Variants in RUNX1 observed in about 807,000 individuals in gnomAD.
RUNX1 encodes the protein runt-related transcription factor 1.
Under a neutral mutation model 42.8 loss-of-function variants are expected in RUNX1, and 19 were observed. The observed-to-expected ratio is 0.44, with a 90% CI of 0.31 to 0.65. The LOEUF (loss-of-function observed/expected upper bound fraction) is 0.65, where lower values mean the gene tolerates loss of function less well. RUNX1 is among the 30% of genes least tolerant of loss of function. RUNX1 has a pLI of 0.07. For missense variants in RUNX1, 528 were observed against 672.0 expected (o/e 0.79, Z 2.37); for synonymous variants, 271 against 289.4 (o/e 0.94, Z 0.64).
intron 2 of RUNX1, among the ~76,000 whole-genome samples, chr21:35,021,054 A>G (rs557588977): frequency 7.0e-4 from 107 of 152,222 alleles, no homozygotes; most frequent in African/African-American, 2.6e-3. Context: ...CTCAAGAGAA[A>G]ATTCCATCTT....
intron 5 of RUNX1, among the ~76,000 whole-genome samples, chr21:34,863,229 T>C (rs1030131186): frequency 1.3e-5 from 2 of 152,204 alleles, no homozygotes; most frequent in East Asian, 1.9e-4. Context: ...TTATTATCCC[T>C]GAGGTCATAA....
chr21:34,885,497 C>CA (rs763413423), intron 4 of RUNX1, among the ~76,000 whole-genome samples: 26 of 151,926 alleles, frequency 1.7e-4, no homozygotes, highest in South Asian at 1.7e-3. Flanking sequence ...ACAAAACAAA[C>CA]AAAAAAAACT....
In RUNX1 at chr21:34,941,115, A is replaced by AGTGT. The variant is rs956605865; in HGVS notation, c.59-48156_59-48153dup. Among the ~76,000 whole-genome samples the AGTGT allele has an allele frequency of 7.2e-5, 11 of 152,236 alleles. No individual in the cohort carries two copies. The East Asian group carries it at 2.1e-3, about 29-fold the overall frequency. ...TTTCTCTAGCCTCAGTCATCTGACC[A>AGTGT]GTGTGTGAACAACAAGAATATCCTC... On this transcript the variant is annotated intron_variant, in intron 2 of 8. Transcript: ENST00000675419.
intron 7 of RUNX1, among the ~76,000 whole-genome samples, chr21:34,814,012 T>C (rs758961407): frequency 3.3e-5 from 5 of 152,126 alleles, no homozygotes; most frequent in Non-Finnish European, 5.9e-5. Flanking sequence ...CTAGTTACCA[T>C]GTACTGACAG....
intron 2 of RUNX1, among the ~76,000 whole-genome samples, chr21:34,987,592 G>T (rs571332051): frequency 6.6e-6 from 1 of 152,176 alleles, no homozygotes; most frequent in Non-Finnish European, 1.5e-5. Context: ...AATCACAAAT[G>T]TGAGTCTGGT....
intron 2 of RUNX1, among the ~76,000 whole-genome samples, chr21:34,931,953 C>T (rs1389488315): frequency 6.6e-6 from 1 of 152,062 alleles, no homozygotes; most frequent in Non-Finnish European, 1.5e-5. Flanking sequence ...AATATGACAA[C>T]ATCTGAACTT....
chr21:34,993,743 A>ACACACACACAGACACACACAGGCG (rs1194360292), intron 2 of RUNX1, among the ~76,000 whole-genome samples: 1 of 128,896 alleles, frequency 7.8e-6, no homozygotes, highest in Non-Finnish European at 1.5e-5. Context: ...ACACACAGAG[A>ACACACACACAGACACACACAGGCG]CACACACACA....
At chr21:34,930,763 G>C (rs900565905) in intron 2 of RUNX1, among the ~76,000 whole-genome samples, 52 of 151,836 alleles carry the variant, frequency 3.4e-4, no homozygotes, top group African/African-American at 1.1e-3. Flanking sequence ...ATTCCTTTCA[G>C]AGATAAAATT....
chr21:34,842,249 C>G (rs2057247571), intron 6 of RUNX1, among the ~76,000 whole-genome samples: 1 of 152,116 alleles, frequency 6.6e-6, no homozygotes, highest in African/African-American at 2.4e-5. Flanking sequence ...TCCCAGCACT[C>G]TGGGAGGCCG....
intron 2 of RUNX1, among the ~76,000 whole-genome samples, chr21:34,894,439 T>A (rs887415054): frequency 6.6e-6 from 1 of 152,162 alleles, no homozygotes; most frequent in Non-Finnish European, 1.5e-5. Context: ...CTTTCTTAGT[T>A]TGTTGTGTAT....
chr21:35,026,620 C>A (rs2059238660), intron 2 of RUNX1, among the ~76,000 whole-genome samples: 1 of 152,212 alleles, frequency 6.6e-6, no homozygotes, highest in Admixed American at 6.5e-5. Context: ...GTGTCATTTT[C>A]ATGACAGCTC....
In RUNX1 at chr21:34,980,766, TG is replaced by T. The variant is rs1396581042; in HGVS notation, c.58+68075del. ...GAACAGCCGTTTCCAAAGATTTGAA[TG>T]GAATAATTTGTTTTTCATGGTTTGT... is the stretch of plus-strand genomic sequence containing the variant. On this transcript the variant is annotated intron_variant, in intron 2 of 8. Coordinates refer to ENST00000675419, the MANE Select transcript of RUNX1 (RefSeq NM_001754.5). Among the ~76,000 whole-genome samples, 6 of 152,290 alleles carry T rather than the reference TG, an allele frequency of 3.9e-5. No homozygotes were observed. In the South Asian group the frequency reaches 1.2e-3, roughly 32 times the overall value.
At chr21:35,016,306 A>C (rs2146929295) in intron 2 of RUNX1, among the ~76,000 whole-genome samples, 1 of 152,346 alleles carries the variant, frequency 6.6e-6, no homozygotes, top group Admixed American at 6.5e-5. Context: ...CAAAGGTTGC[A>C]GGACATACAC....
intron 2 of RUNX1, among the ~76,000 whole-genome samples, chr21:34,993,535 A>G (rs1164316617): frequency 1.5e-5 from 2 of 129,448 alleles, no homozygotes; most frequent in Non-Finnish European, 3.3e-5. Context: ...ACATACATAC[A>G]GGCACACACA....
At chr21:35,044,856 C>T (rs1211734826) in intron 2 of RUNX1, among the ~76,000 whole-genome samples, 1 of 152,206 alleles carries the variant, frequency 6.6e-6, no homozygotes, top group Non-Finnish European at 1.5e-5. Flanking sequence ...TACTCATTTG[C>T]TTTCAAAAGC....
chr21:35,022,895 G>GAATAATAATAATAAT (rs71196925), intron 2 of RUNX1, among the ~76,000 whole-genome samples: 21,100 of 144,050 alleles, frequency 0.15, 1,844 homozygotes, highest in Middle Eastern at 0.21. Flanking sequence ...TACTCTGTTT[G>GAATAATAATAATAAT]AATAATAATA....
chr21:34,998,831 G>T (rs143776222), intron 2 of RUNX1, among the ~76,000 whole-genome samples: 1 of 152,122 alleles, frequency 6.6e-6, no homozygotes, highest in African/African-American at 2.4e-5. Flanking sequence ...GTGAGCCACC[G>T]TGCCCGGCCT....
At chr21:34,993,850 C>T (rs1209630769) in intron 2 of RUNX1, among the ~76,000 whole-genome samples, 1 of 151,942 alleles carries the variant, frequency 6.6e-6, no homozygotes, top group Non-Finnish European at 1.5e-5. Flanking sequence ...CACACACACA[C>T]ACGGGTATGT....
In RUNX1 at chr21:34,964,824, T is replaced by C. The variant is rs117855833; in HGVS notation, c.59-71861A>G. On this transcript the variant is annotated intron_variant, in intron 2 of 8. Transcript: ENST00000675419. The stretch of plus-strand genomic sequence containing the variant: ...CAAAATACCTATGATCTCTTCTGAC[T>C]TGCCCTGAGGGCATGATGGCTGGCT... Among the ~76,000 whole-genome samples the C allele has an allele frequency of 9.7e-3, 1,485 of 152,320 alleles. 45 individuals are homozygous for C. Among genetic ancestry groups the C allele is most frequent in the East Asian group, 0.049 (253 of 5,162 alleles).
Sources: allele counts gnomAD v4.1 joint callset (sites outside exome capture counted in the v4.1 genomes callset), GRCh38; gene constraint gnomAD v4.1.1; transcripts MANE v1.5; gene names NCBI Gene and HGNC (gene_info 2026-07-23, HGNC 2026-07-21).